Variants in ADK observed in about 807,000 individuals in gnomAD.
ADK encodes adenosine kinase.
In ADK, 24 loss-of-function variants were observed where a neutral mutation model predicts 44.7. That is an observed-to-expected ratio of 0.54 (90% confidence interval 0.39 to 0.76). ADK has a LOEUF of 0.76. Ranked by LOEUF, ADK falls within the 30% of genes least tolerant of loss-of-function variation. The pLI, the probability that ADK is intolerant of heterozygous loss-of-function variation, is 0.00. For missense variants in ADK, 321 were observed against 425.1 expected, an observed-to-expected ratio of 0.76 and a Z score of 2.15; for synonymous variants, 128 against 142.6, an observed-to-expected ratio of 0.90 and a Z score of 0.73.
chr10:74,400,291 G>C (rs1441433009), intron 6 of ADK, among the ~76,000 whole-genome samples: 2 of 152,136 alleles, frequency 1.3e-5, no homozygotes, highest in Admixed American at 1.3e-4. Flanking sequence ...TAAAAAGAAT[G>C]ATCTCTTACA....
In ADK at chr10:74,542,156, G is replaced by T. The variant is rs563781462; in HGVS notation, c.726+16730G>T. Among the ~76,000 whole-genome samples the T allele has an allele frequency of 4.6e-5, 7 of 152,184 alleles. 1 individual carries two copies. In the South Asian group the frequency reaches 8.3e-4, roughly 18 times the overall value. ...CTTGGGAGGCTGAGGTAAGAGGATCGCTTGAGCCCAGGAGGTCACATGGTG... is the reference window on the plus strand; with the variant it reads ...CTTGGGAGGCTGAGGTAAGAGGATCTCTTGAGCCCAGGAGGTCACATGGTG... On this transcript the variant is annotated intron_variant, in intron 7 of 10. Coordinates refer to ENST00000539909, the MANE Select transcript of ADK (RefSeq NM_006721.4).
At chr10:74,695,157 T>A (rs1216045289) in intron 10 of ADK, among the ~76,000 whole-genome samples, 3 of 152,192 alleles carry the variant, frequency 2.0e-5, no homozygotes, top group Non-Finnish European at 4.4e-5. Flanking sequence ...TTAGAAGTAT[T>A]TAATCTGGTA....
chr10:74,404,100 C>T (rs1419275256), intron 6 of ADK, among the ~76,000 whole-genome samples: 1 of 151,260 alleles, frequency 6.6e-6, no homozygotes, highest in African/African-American at 2.4e-5. Flanking sequence ...TCTCGATCTC[C>T]TGACCTCATG....
At chr10:74,634,014 G>A (rs145284185) in intron 9 of ADK, among the ~76,000 whole-genome samples, 16 of 152,234 alleles carry the variant, frequency 1.1e-4, no homozygotes, top group African/African-American at 2.4e-4. Context: ...CCTCAATTAC[G>A]CATATGCAGA....
intron 3 of ADK, among the ~76,000 whole-genome samples, chr10:74,270,604 T>C (rs1439003069): frequency 6.6e-6 from 1 of 152,186 alleles, no homozygotes; most frequent in Admixed American, 6.5e-5. Context: ...GAAAAGATTT[T>C]GTGGGACCCT....
rs558953247 is a variant in ADK at position 74,433,025 on chromosome 10, C to T, written c.555+34446C>T. 7.9e-5 allele frequency among the ~76,000 whole-genome samples: 12 copies of T among 152,246 alleles called. No individual in the cohort carries two copies. In the South Asian group the frequency reaches 2.5e-3, roughly 32 times the overall value. Reference sequence around the variant, plus strand: ...TTTACTAAGTGACTCAGCAGTAGCTCTATGTATCTTTTAGTTGGAAATGCC... The same window carrying T: ...TTTACTAAGTGACTCAGCAGTAGCTTTATGTATCTTTTAGTTGGAAATGCC... On this transcript the variant is annotated intron_variant, in intron 6 of 10. Coordinates refer to ENST00000539909, the MANE Select transcript of ADK (RefSeq NM_006721.4).
intron 2 of ADK, among the ~76,000 whole-genome samples, chr10:74,208,020 G>T (rs970991751): frequency 7.2e-5 from 11 of 152,302 alleles, no homozygotes; most frequent in African/African-American, 2.6e-4. Flanking sequence ...GCAGGGGGCT[G>T]GTATGTCAGT....
chr10:74,468,840 A>G (rs1846450864), intron 6 of ADK, among the ~76,000 whole-genome samples: 1 of 152,198 alleles, frequency 6.6e-6, no homozygotes, highest in Admixed American at 6.5e-5. Flanking sequence ...TCTAATACCT[A>G]GTTCATATTA....
chr10:74,222,204 A>C (rs1018022396), intron 2 of ADK, among the ~76,000 whole-genome samples: 1 of 152,242 alleles, frequency 6.6e-6, no homozygotes, highest in East Asian at 1.9e-4. Flanking sequence ...GGTGAAGGAC[A>C]TGAACAGACA....
chr10:74,184,501 T>TTG (rs67693938), intron 1 of ADK, among the ~76,000 whole-genome samples: 3,529 of 138,458 alleles, frequency 0.025, 55 homozygotes, highest in South Asian at 0.066. Flanking sequence ...TGGCTATATT[T>TTG]TGTGTGTGTG....
chr10:74,195,925 C>T (rs1843130544), intron 1 of ADK, among the ~76,000 whole-genome samples: 1 of 151,814 alleles, frequency 6.6e-6, no homozygotes, highest in Non-Finnish European at 1.5e-5. Flanking sequence ...AATGCGCCCG[C>T]CTCAGCCTCC....
intron 9 of ADK, among the ~76,000 whole-genome samples, chr10:74,612,976 A>C (rs1425056148): frequency 6.6e-6 from 1 of 151,960 alleles, no homozygotes; most frequent in African/African-American, 2.4e-5. Flanking sequence ...ATTTTGTTCC[A>C]TTGATCTATG....
intron 3 of ADK, among the ~76,000 whole-genome samples, chr10:74,268,182 A>T (rs1349787620): frequency 6.6e-6 from 1 of 151,962 alleles, no homozygotes; most frequent in Non-Finnish European, 1.5e-5. Flanking sequence ...AGTTAGCCAG[A>T]GATAGTGGCA....
At chr10:74,399,223 T>C (rs1843626952) in intron 6 of ADK, among the ~76,000 whole-genome samples, 1 of 151,418 alleles carries the variant, frequency 6.6e-6, no homozygotes, top group African/African-American at 2.4e-5. Flanking sequence ...ATGTGTTAAA[T>C]GTGGCTTTAC....
In ADK at chr10:74,320,569, CTT is replaced by C. The variant is rs145853008; in HGVS notation, c.273+5827_273+5828del. Among the ~76,000 whole-genome samples the C allele has an allele frequency of 1.5e-3, 223 of 151,896 alleles. 3 individuals carry two copies. The highest frequency in any genetic ancestry group is 3.2e-3 in the African/African-American group (133 of 41,400). On this transcript the variant is annotated intron_variant, in intron 4 of 10. Transcript: ENST00000539909. ...CCATTATATCTTCAAAAATTTTTTT[CTT>C]TTATTTTCTCTTTGTTTTCCTTCTG...
chr10:74,344,678 T>C (rs551415283), intron 4 of ADK: 1 of 176,376 alleles, frequency 5.7e-6, no homozygotes, highest in South Asian at 1.2e-4. Flanking sequence ...GGCTGGTCTC[T>C]TCAGGTTTTA....
intron 6 of ADK, among the ~76,000 whole-genome samples, chr10:74,425,704 G>A (rs530268330): frequency 1.3e-5 from 2 of 152,238 alleles, no homozygotes; most frequent in South Asian, 4.2e-4. Flanking sequence ...ACAGGGCTTG[G>A]CATATCCCTC....
rs758348057 is a variant in ADK at position 74,378,065 on chromosome 10, T to TTA, written c.274-16076_274-16075insTA. Among the ~76,000 whole-genome samples, 16 of 150,862 alleles carry TTA rather than the reference T, an allele frequency of 1.1e-4. No homozygotes were observed. The East Asian group carries it at 2.7e-3, about 26-fold the overall frequency. ...TCTGTGCCTCAGTTTTTTTTTTTTT[T>TTA]AATCTATGAAATGGAGATCATGTGT... On this transcript the variant is annotated intron_variant, in intron 4 of 10. Coordinates refer to ENST00000539909, the MANE Select transcript of ADK (RefSeq NM_006721.4).
chr10:74,512,909 ACT>A lies in ADK; in HGVS notation c.556-12344_556-12343del, dbSNP rs564273410. Among the ~76,000 whole-genome samples the A allele has an allele frequency of 3.3e-5, 5 of 150,864 alleles. No individual in the cohort carries two copies. The East Asian group carries it at 9.7e-4, about 29-fold the overall frequency. On this transcript the variant is annotated intron_variant, in intron 6 of 10. Transcript: ENST00000539909. ...ATAAGCATTTATTCCTATAAACTTGACTCTGAATACTGTTTTTGCTGTGTCCC... is the reference window on the plus strand; with the variant it reads ...ATAAGCATTTATTCCTATAAACTTGACTGAATACTGTTTTTGCTGTGTCCC...
Sources: allele counts gnomAD v4.1 joint callset (sites outside exome capture counted in the v4.1 genomes callset), GRCh38; gene constraint gnomAD v4.1.1; transcripts MANE v1.5; gene names NCBI Gene and HGNC (gene_info 2026-07-23, HGNC 2026-07-21).